LINGO1: variants seen among roughly 807,000 people sequenced by gnomAD.
LINGO1 encodes the protein leucine-rich repeat and immunoglobulin-like domain-containing nogo receptor-interacting protein 1.
A neutral mutation model predicts 37.3 loss-of-function variants in LINGO1; 11 were observed. The ratio of observed to expected loss-of-function variants is 0.29; its 90% CI spans 0.19 to 0.49. LINGO1 has a LOEUF of 0.49. Among genes scored for constraint, LINGO1 ranks in the 20% least tolerant of loss-of-function variants. LINGO1 has a pLI of 0.99. For synonymous variants in LINGO1, 387 were observed against 403.0 expected, an observed-to-expected ratio of 0.96 and a Z score of 0.48; for missense variants, 585 against 878.2, an observed-to-expected ratio of 0.67 and a Z score of 4.22.
At chr15:77,793,549 C>T (rs953759416) in intron 2 of LINGO1, among the ~76,000 whole-genome samples, 6 of 152,226 alleles carry the variant, frequency 3.9e-5, no homozygotes, top group Admixed American at 1.3e-4. Flanking sequence ...TACCCTGCCA[C>T]CCTAAACTTT....
chr15:77,808,082 C>A (rs949340268), intron 1 of LINGO1, among the ~76,000 whole-genome samples: 1 of 152,024 alleles, frequency 6.6e-6, no homozygotes, highest in Non-Finnish European at 1.5e-5. Flanking sequence ...CCCCCAGCTG[C>A]CCCCTGCTCG....
chr15:77,743,065 A>G (rs2076280425), intron 1 of LINGO1, among the ~76,000 whole-genome samples: 2 of 152,176 alleles, frequency 1.3e-5, no homozygotes, highest in South Asian at 4.1e-4. Context: ...TCTGGTGAGG[A>G]AGGTGGGAGA....
At chr15:77,781,588 G>A (rs968732141) in intron 1 of LINGO1, among the ~76,000 whole-genome samples, 5 of 152,216 alleles carry the variant, frequency 3.3e-5, no homozygotes, top group Admixed American at 6.5e-5. Context: ...CCCCCCAGTC[G>A]CTGCACGTGG....
intron 1 of LINGO1, among the ~76,000 whole-genome samples, chr15:77,626,026 C>A (rs2074078348): frequency 6.6e-6 from 1 of 152,186 alleles, no homozygotes; most frequent in East Asian, 1.9e-4. Flanking sequence ...GGCTCTGAGC[C>A]ATTAGTTCAC....
intron 3 of LINGO1, among the ~76,000 whole-genome samples, chr15:77,646,782 T>C (rs2074640623): frequency 1.3e-5 from 2 of 152,082 alleles, no homozygotes; most frequent in South Asian, 4.2e-4. Context: ...CCAGGGAGGG[T>C]GGGCTCTTCT....
At position 77,632,287 on chromosome 15, in the gene LINGO1, T is replaced by A; in HGVS notation, c.6+23A>T. ...CGCCGCGGGGCTGCCCGCTCGGGGCTCGGCCGCGGCCGCCTGGCTCACCTG... is the reference window on the plus strand; with the variant it reads ...CGCCGCGGGGCTGCCCGCTCGGGGCACGGCCGCGGCCGCCTGGCTCACCTG... On this transcript the variant is annotated intron_variant, in intron 1 of 1. Transcript: ENST00000355300. The surrounding 1 kb of genome is among the most constrained non-coding windows in gnomAD (Gnocchi z 6.0). The A allele has an allele frequency of 1.4e-6, 2 of 1,419,782 alleles. No homozygotes were observed. Among genetic ancestry groups the A allele is most frequent in the South Asian group, 2.9e-5 (2 of 68,618 alleles). 87.9% of individuals were successfully genotyped at this position (1,419,782 alleles called of 1,614,324 possible).
chr15:77,786,683 A>G (rs1046203623), intron 1 of LINGO1, among the ~76,000 whole-genome samples: 36 of 152,276 alleles, frequency 2.4e-4, no homozygotes, highest in African/African-American at 8.2e-4. Context: ...ATCTCCTCGA[A>G]TGACCTTGGC....
At chr15:77,726,272 C>T (rs372784414) in intron 2 of LINGO1, among the ~76,000 whole-genome samples, 1 of 152,210 alleles carries the variant, frequency 6.6e-6, no homozygotes, top group African/African-American at 2.4e-5. Context: ...CCCAGAGGTC[C>T]CCAAAGCACT....
intron 1 of LINGO1, among the ~76,000 whole-genome samples, chr15:77,742,853 G>A (rs1363262809): frequency 6.6e-6 from 1 of 152,198 alleles, no homozygotes; most frequent in Non-Finnish European, 1.5e-5. Context: ...AGCTGGAAGG[G>A]GAGGAATTCT....
intron 1 of LINGO1, among the ~76,000 whole-genome samples, chr15:77,780,647 C>T (rs2076706977): frequency 6.6e-6 from 1 of 152,064 alleles, no homozygotes; most frequent in Non-Finnish European, 1.5e-5. Context: ...CAGGTCCTAA[C>T]CCCCAGTGAG....
rs748504564 is a variant in LINGO1 at position 77,718,969 on chromosome 15, G to A, written c.-195+16023C>T. On this transcript the variant is annotated intron_variant, in intron 2 of 3. Transcript: ENST00000561686. ...GGGCTGGGCTGGGGTGGAGGGAACTGGGGAAACCGACAAGGCCTCAGTCTG... is the reference window on the plus strand; with the variant it reads ...GGGCTGGGCTGGGGTGGAGGGAACTAGGGAAACCGACAAGGCCTCAGTCTG... Among the ~76,000 whole-genome samples, 19 of 150,574 alleles carry A rather than the reference G, an allele frequency of 1.3e-4. 1 individual carries two copies. The highest frequency in any genetic ancestry group is 2.7e-4 in the Non-Finnish European group (18 of 67,496).
chr15:77,739,619 C>T (rs1434591676), intron 1 of LINGO1, among the ~76,000 whole-genome samples: 1 of 152,222 alleles, frequency 6.6e-6, no homozygotes, highest in Non-Finnish European at 1.5e-5. Context: ...CACCCTACCT[C>T]CCAGGCCCCT....
In LINGO1 at chr15:77,784,220, C is replaced by G. The variant is rs143728402; in HGVS notation, c.-257+2649G>C. Among the ~76,000 whole-genome samples the G allele has an allele frequency of 4.7e-4, 71 of 152,354 alleles. No homozygotes were observed. The East Asian group carries it at 0.014, about 29-fold the overall frequency. ...CGCATAGCAGAAGAGGAAGAATTGGCCTCCAGCCAGCACCTTCCCCACCCT... is the reference window on the plus strand; with the variant it reads ...CGCATAGCAGAAGAGGAAGAATTGGGCTCCAGCCAGCACCTTCCCCACCCT... On this transcript the variant is annotated intron_variant, in intron 1 of 3. Transcript: ENST00000561686.
At chr15:77,736,579 A>G (rs1221328474) in intron 1 of LINGO1, among the ~76,000 whole-genome samples, 1 of 152,100 alleles carries the variant, frequency 6.6e-6, no homozygotes, top group African/African-American at 2.4e-5. Context: ...CCTGGGTGAC[A>G]TAGCAAGACC....
rs1214266997 is a variant in LINGO1 at position 77,779,100 on chromosome 15, C to A, written c.-257+7769G>T. On this transcript the variant is annotated intron_variant, in intron 1 of 3. Transcript: ENST00000561686. ...GGTCTCCCCAGGCTTCCATATGGCT[C>A]CCTGACCTCAACACCCCACTTTACC... Among the ~76,000 whole-genome samples the A allele has an allele frequency of 2.0e-5, 3 of 152,156 alleles. 1 individual carries two copies. The highest frequency in any genetic ancestry group is 7.2e-5 in the African/African-American group (3 of 41,426).
chr15:77,614,597 T>G lies in LINGO1; in HGVS notation c.1310A>C (p.Asp437Ala). 1 of 1,611,240 alleles carries G rather than the reference T, an allele frequency of 6.2e-7. No individual in the cohort carries two copies. The highest frequency in any genetic ancestry group is 8.5e-7 in the Non-Finnish European group (1 of 1,179,028). ...CACAAACTGCACCGTGTGGCCCTCG[T>G]CCACAAACACCTGCTGGGCCTTGCG... ...RDRKAQQVFV[D>A]EGHTVQFVCR... Residue 437 changes from aspartate to alanine, a missense_variant, in exon 2 of 2, where the codon GAC (aspartate) becomes GCC (alanine). This residue lies in a region of LINGO1 where 484 missense variants were observed against 735.0 expected (regional missense o/e 0.66). Transcript: ENST00000355300.
chr15:77,648,133 C>T (rs2074677948), intron 3 of LINGO1: 2 of 343,394 alleles, frequency 5.8e-6, no homozygotes, highest in African/African-American at 4.3e-5. Flanking sequence ...ATCATTAACC[C>T]CATTTTACAG....
At chr15:77,754,395 C>T (rs1399992185) in intron 1 of LINGO1, among the ~76,000 whole-genome samples, 1 of 152,104 alleles carries the variant, frequency 6.6e-6, no homozygotes, top group African/African-American at 2.4e-5. Context: ...CCTGTGCTGG[C>T]CCAGCCACCG....
intron 1 of LINGO1, among the ~76,000 whole-genome samples, chr15:77,809,523 G>C (rs1467660827): frequency 1.3e-5 from 2 of 152,164 alleles, no homozygotes; most frequent in Non-Finnish European, 2.9e-5. Context: ...GTCACTGTGG[G>C]AACACACAGA....
Sources: gnomAD v4.1 joint callset for allele counts (sites outside exome capture counted in the v4.1 genomes callset) on GRCh38, gnomAD v4.1.1 for gene constraint, gnomAD v4.1.1 regional missense constraint, Gnocchi (gnomAD v3.1) non-coding constraint, MANE v1.5 for transcripts, NCBI Gene and HGNC (gene_info 2026-07-23, HGNC 2026-07-21) for gene names.